The following USP53 variants were observed in gnomAD, a reference collection of about 807,000 sequenced individuals.
USP53 encodes the protein ubiquitin carboxyl-terminal hydrolase 53.
In USP53, 71 loss-of-function variants were observed where a neutral mutation model predicts 94.9. The observed-to-expected ratio is 0.75, with a 90% CI of 0.62 to 0.91. USP53 has a LOEUF of 0.91. USP53 is among the 40% of genes least tolerant of loss of function. The pLI, the probability that USP53 is intolerant of heterozygous loss-of-function variation, is 0.00. For missense variants in USP53, 1,173 were observed against 1,281.0 expected, an observed-to-expected ratio of 0.92 and a Z score of 1.29; for synonymous variants, 375 against 422.7, an observed-to-expected ratio of 0.89 and a Z score of 1.39.
At chr4:119,225,009 A>G (rs1745047540) in intron 3 of USP53, among the ~76,000 whole-genome samples, 1 of 152,206 alleles carries the variant, frequency 6.6e-6, no homozygotes, top group African/African-American at 2.4e-5. Flanking sequence ...CAGTGAAATG[A>G]AAAGCTGATT....
chr4:119,288,451 C>T (rs1754353087), intron 17 of USP53, among the ~76,000 whole-genome samples: 1 of 152,132 alleles, frequency 6.6e-6, no homozygotes, highest in South Asian at 2.1e-4. Flanking sequence ...AATAGCTTTT[C>T]CTAAAAATTG....
intron 9 of USP53, among the ~76,000 whole-genome samples, chr4:119,258,801 C>T (rs1750096163): frequency 6.6e-6 from 1 of 152,102 alleles, no homozygotes; most frequent in Non-Finnish European, 1.5e-5. Context: ...CAGCTGGGTC[C>T]CTCCCACAAC....
At chr4:119,222,643 G>T (rs1744705059) in intron 3 of USP53, among the ~76,000 whole-genome samples, 1 of 151,840 alleles carries the variant, frequency 6.6e-6, no homozygotes, top group South Asian at 2.1e-4. Context: ...CTTTTTTATG[G>T]CTGAATAATA....
chr4:119,274,432 AT>A, intron 17 of USP53, among the ~76,000 whole-genome samples: 2 of 152,004 alleles, frequency 1.3e-5, no homozygotes, highest in Middle Eastern at 6.8e-3. Context: ...CGAACTCATC[AT>A]TTTTTATGGC....
At position 119,295,291 on chromosome 4, in the gene USP53, T is replaced by G. The variant is rs1755152547; in HGVS notation, c.*2080T>G. 6.6e-6 allele frequency: 1 copy of G among 152,134 alleles called. No homozygotes were observed. Among genetic ancestry groups the G allele is most frequent in the African/African-American group, 2.4e-5 (1 of 41,438 alleles). 9.4% of individuals were successfully genotyped at this position (152,134 alleles called of 1,614,324 possible). A position where few individuals can be genotyped will look rare whatever the true frequency, so the allele number is the denominator to read the frequency against. ...TTGATTCAACACTCCAGATACAGAT[T>G]GATACATATATACTAATCATTTTAT... On this transcript the variant is annotated 3_prime_UTR_variant, in exon 19 of 19. Transcript: ENST00000692078.
rs1241967028 is a variant in USP53 at position 119,284,597 on chromosome 4, G to A, written c.2252-6568G>A. ...AAGAAATGATTTCTTCTTATAAAAAGTATGTTTTATACTTTTTAAATCTTT... is the reference window on the plus strand; with the variant it reads ...AAGAAATGATTTCTTCTTATAAAAAATATGTTTTATACTTTTTAAATCTTT... On this transcript the variant is annotated intron_variant, in intron 17 of 18. Coordinates refer to ENST00000692078, the MANE Select transcript of USP53 (RefSeq NM_001371395.1). Among the ~76,000 whole-genome samples the A allele has an allele frequency of 2.6e-5, 4 of 151,706 alleles. No homozygotes were observed. The East Asian group carries it at 5.8e-4, about 22-fold the overall frequency.
intron 16 of USP53, 78 bp from the exon 17 acceptor site, chr4:119,273,554 A>C: frequency 9.8e-7 from 1 of 1,018,030 alleles, no homozygotes; most frequent in South Asian, 1.5e-5. Context: ...TAAATGTTTA[A>C]CAAATGTTGT....
At chr4:119,259,798 G>T (rs1361341628) in intron 9 of USP53, 22 bp from the exon 10 acceptor site, 1 of 1,588,100 alleles carries the variant, frequency 6.3e-7, no homozygotes, top group East Asian at 2.3e-5. Context: ...GGCCAGATTT[G>T]GGATTGCTTC....
chr4:119,254,236 C>T (rs1486250560), intron 7 of USP53, among the ~76,000 whole-genome samples: 1 of 152,174 alleles, frequency 6.6e-6, no homozygotes, highest in East Asian at 1.9e-4. Flanking sequence ...GTGGTGTTCT[C>T]TGTATTTCCT....
intron 7 of USP53, among the ~76,000 whole-genome samples, chr4:119,250,285 G>A (rs1471045402): frequency 6.6e-6 from 1 of 152,126 alleles, no homozygotes; most frequent in Non-Finnish European, 1.5e-5. Context: ...TTCAGACTAA[G>A]TCTATGCCTA....
At chr4:119,289,122 AG>A (rs1754453082) in intron 17 of USP53, among the ~76,000 whole-genome samples, 1 of 152,186 alleles carries the variant, frequency 6.6e-6, no homozygotes, top group Non-Finnish European at 1.5e-5. Flanking sequence ...TTCTTCAAAC[AG>A]GTGTCATGCT....
chr4:119,284,765 G>A (rs371006854), intron 17 of USP53, among the ~76,000 whole-genome samples: 13 of 151,760 alleles, frequency 8.6e-5, no homozygotes, highest in Admixed American at 6.6e-5. Flanking sequence ...ATTTTGTTAT[G>A]TATATTTTAC....
In USP53 at chr4:119,271,679, C is replaced by T; in HGVS notation, c.1819C>T (p.Pro607Ser). Reference sequence around the variant, plus strand: ...TGAAAGTGAAAAAAGACAGCATAGTCCAAGACATAAACCAAATATCAGTAA... The same window carrying T: ...TGAAAGTGAAAAAAGACAGCATAGTTCAAGACATAAACCAAATATCAGTAA... ...FSESEKRQHSPRHKPNISNKP... is the reference protein window; with the variant it reads ...FSESEKRQHSSRHKPNISNKP... The change falls in exon 16 of 19, where the codon CCA (proline) becomes TCA (serine). Residue 607 changes from proline to serine, a missense_variant. By Grantham distance (74) the Pro-to-Ser change is moderately conservative. Coordinates refer to ENST00000692078, the MANE Select transcript of USP53 (RefSeq NM_001371395.1). 1 of 1,613,882 alleles carries T rather than the reference C, an allele frequency of 6.2e-7. No individual in the cohort carries two copies.
chr4:119,283,654 G>A (rs1753762730), intron 17 of USP53, among the ~76,000 whole-genome samples: 1 of 151,810 alleles, frequency 6.6e-6, no homozygotes, highest in Non-Finnish European at 1.5e-5. Context: ...TACCAAATGA[G>A]AGAAAGGGAA....
chr4:119,284,063 T>G (rs1429725043), intron 17 of USP53, among the ~76,000 whole-genome samples: 1 of 151,708 alleles, frequency 6.6e-6, no homozygotes, highest in Non-Finnish European at 1.5e-5. Context: ...GAGAAAATAT[T>G]GGAGATGGGG....
intron 3 of USP53, among the ~76,000 whole-genome samples, chr4:119,225,790 A>G (rs999767685): frequency 6.6e-6 from 1 of 152,128 alleles, no homozygotes; most frequent in Non-Finnish European, 1.5e-5. Flanking sequence ...ACAAAATCAG[A>G]CAAAGATATC....
rs895353762 is a variant in USP53, at chr4:119,256,285, A to T, written c.412A>T (p.Ser138Cys). Reference protein sequence around the residue: ...LERIHFHIVPSRDADMCTSKS... With the variant: ...LERIHFHIVPCRDADMCTSKS... ...GAGGATTCATTTTCACATAGTGCCA[A>T]GCAGAGATGCAGACATGTGTACCTC... is the stretch of plus-strand genomic sequence containing the variant. The change falls in exon 8 of 19, where the codon AGC becomes TGC. Residue 138 changes from serine (S) to cysteine (C), a missense_variant. Physicochemically the swap from Ser to Cys is moderately radical, Grantham distance 112. Transcript: ENST00000692078. 2.5e-6 allele frequency: 4 copies of T among 1,613,800 alleles called. No individual in the cohort carries two copies. The highest frequency in any genetic ancestry group is 2.2e-5 in the East Asian group (1 of 44,852).
At chr4:119,243,240 G>A (rs1362036025) in intron 5 of USP53, among the ~76,000 whole-genome samples, 1 of 152,182 alleles carries the variant, frequency 6.6e-6, no homozygotes, top group Non-Finnish European at 1.5e-5. Flanking sequence ...GCTTACACCT[G>A]TAATCCTAGC....
At chr4:119,266,842 T>G (rs1334115188) in intron 12 of USP53, among the ~76,000 whole-genome samples, 2 of 152,188 alleles carry the variant, frequency 1.3e-5, no homozygotes, top group Non-Finnish European at 2.9e-5. Flanking sequence ...TCCCCAAGGT[T>G]GCAAAGATTT....
Sources: allele counts gnomAD v4.1 joint callset (sites outside exome capture counted in the v4.1 genomes callset), GRCh38; gene constraint gnomAD v4.1.1; transcripts MANE v1.5; gene names NCBI Gene and HGNC (gene_info 2026-07-23, HGNC 2026-07-21).